CNKSR1: variants seen among roughly 807,000 people sequenced by gnomAD.
The protein encoded by CNKSR1 is CNK homolog protein 1.
CNKSR1 carries 88 observed loss-of-function variants against 95.6 expected under a neutral mutation model. The ratio of observed to expected loss-of-function variants is 0.92; its 90% CI spans 0.78 to 1.10. The LOEUF (loss-of-function observed/expected upper bound fraction) is 1.10, where lower values mean the gene tolerates loss of function less well. CNKSR1 is among the 50% of genes least tolerant of loss of function. CNKSR1 has a pLI of 0.00. For missense variants in CNKSR1, 836 were observed against 912.0 expected, an observed-to-expected ratio of 0.92 and a Z score of 1.07; for synonymous variants, 355 against 369.7, an observed-to-expected ratio of 0.96 and a Z score of 0.46.
Position 26,183,191 on chromosome 1 carries a change from C to G in CNKSR1, c.625-6C>G. ...CCCCCGGTGACTATAGCCTCTGCCT[C>G]TGCAGGGCCTAGAAATTCACACCAC... On this transcript the variant is annotated splice_polypyrimidine_tract_variant and splice_region_variant and intron_variant, in intron 6 of 20. Transcript: ENST00000361530. The G allele has an allele frequency of 6.2e-7, 1 of 1,614,086 alleles. No homozygotes were observed. Among genetic ancestry groups the G allele is most frequent in the South Asian group, 1.1e-5 (1 of 91,082 alleles).
At position 26,180,861 on chromosome 1, in the gene CNKSR1, G is replaced by A; in HGVS notation, c.357G>A (p.Leu119=). 6.2e-7 allele frequency: 1 copy of A among 1,614,246 alleles called. No homozygotes were observed. ...IDVLCAAVEL[L]HEADALLFWL... is the part of the protein sequence containing the mutation. ...TCCTCTGTGCAGCTGTGGAGCTGTTGCATGAAGCTGACGCCCTCCTCTTCT... is the reference window on the plus strand; with the variant it reads ...TCCTCTGTGCAGCTGTGGAGCTGTTACATGAAGCTGACGCCCTCCTCTTCT... The change falls in exon 3 of 21, where the codon TTG becomes TTA. Residue 119 remains leucine (L), a synonymous_variant. Coordinates refer to ENST00000361530, the MANE Select transcript of CNKSR1 (RefSeq NM_006314.3).
intron 14 of CNKSR1, among the ~76,000 whole-genome samples, chr1:26,185,997 TG>T (rs1247823761): frequency 6.6e-6 from 1 of 152,192 alleles, no homozygotes; most frequent in Non-Finnish European, 1.5e-5. Flanking sequence ...GGATGATTTT[TG>T]CTTCTCCAGA....
chr1:26,185,831 G>A (rs560701510), intron 14 of CNKSR1, among the ~76,000 whole-genome samples: 7 of 152,208 alleles, frequency 4.6e-5, no homozygotes, highest in Non-Finnish European at 5.9e-5. Flanking sequence ...ACATCTGGCC[G>A]AAAAATCACG....
rs369700398 is a variant in CNKSR1 at position 26,181,840 on chromosome 1, T to A, written c.393-17T>A. 4 of 1,613,192 alleles carry A rather than the reference T, an allele frequency of 2.5e-6. No individual in the cohort carries two copies. The African/African-American group carries it at 5.3e-5, about 21-fold the overall frequency. On this transcript the variant is annotated splice_polypyrimidine_tract_variant and intron_variant, in intron 3 of 20. Transcript: ENST00000361530. Reference sequence around the variant, plus strand: ...AAGCATAGTCCCTTAACCACTGTGCTATTCTTCCCCTGCCAGGTACCTCTT... The same window carrying A: ...AAGCATAGTCCCTTAACCACTGTGCAATTCTTCCCCTGCCAGGTACCTCTT...
chr1:26,188,595 C>A lies in CNKSR1; in HGVS notation c.1591-3C>A, dbSNP rs377575975. The A allele has an allele frequency of 6.2e-7, 1 of 1,613,518 alleles. No homozygotes were observed. Among genetic ancestry groups the A allele is most frequent in the African/African-American group, 1.3e-5 (1 of 74,926 alleles). On this transcript the variant is annotated splice_region_variant and splice_polypyrimidine_tract_variant and intron_variant, in intron 18 of 20. Coordinates refer to ENST00000361530, the MANE Select transcript of CNKSR1 (RefSeq NM_006314.3). ...CCCTCTGTGCTTTCCACCCTGCCTG[C>A]AGCCCAGCCCTGCTCAAGCTGGGAG...
At chr1:26,180,659 G>T in intron 2 of CNKSR1, 49 bp downstream of exon 2, 4 of 1,614,102 alleles carry the variant, frequency 2.5e-6, no homozygotes, top group Non-Finnish European at 3.4e-6. Flanking sequence ...AACCTGGGGG[G>T]TGTGATGGGG....
chr1:26,184,770 C>T (rs1396089294), intron 13 of CNKSR1, among the ~76,000 whole-genome samples, 158 bp downstream of exon 13: 2 of 151,876 alleles, frequency 1.3e-5, no homozygotes, highest in East Asian at 3.9e-4. Flanking sequence ...CAGTCTGGGC[C>T]TCTCACCAGA....
chr1:26,187,263 G>A, intron 15 of CNKSR1, 22 bp downstream of exon 15: 2 of 1,607,378 alleles, frequency 1.2e-6, no homozygotes, highest in Non-Finnish European at 1.7e-6. Flanking sequence ...GGGTGTGATG[G>A]GCTGGGGGAT....
At position 26,184,624 on chromosome 1, in the gene CNKSR1, G is replaced by C. The variant is rs1003262667; in HGVS notation, c.1135+12G>C. The C allele has an allele frequency of 6.3e-7, 1 of 1,594,574 alleles. No individual in the cohort carries two copies. Among genetic ancestry groups the C allele is most frequent in the South Asian group, 1.1e-5 (1 of 87,860 alleles). ...GAAGAAATCAAAAGGTATGAGGTGC[G>C]CTGGACTAGGTGGGGGTTCCCCTGT... is the stretch of plus-strand genomic sequence containing the variant. On this transcript the variant is annotated intron_variant, in intron 13 of 20. Transcript: ENST00000361530.
Position 26,182,536 on chromosome 1 carries a change from G to C in CNKSR1, c.576G>C (p.Leu192=). The change falls in exon 6 of 21, where the codon CTG becomes CTC. Residue 192 remains leucine (L), a synonymous_variant. Transcript: ENST00000361530. ...TCCTGGTCTGCTGCCCCAAGGAGCTGCTGGAACAGAAGGCCGTGCTCGAGC... is the reference window on the plus strand; with the variant it reads ...TCCTGGTCTGCTGCCCCAAGGAGCTCCTGGAACAGAAGGCCGTGCTCGAGC... ...HNILVCCPKE[L]LEQKAVLEQV... The C allele has an allele frequency of 6.2e-7, 1 of 1,613,968 alleles. No individual in the cohort carries two copies.
At position 26,181,930 on chromosome 1, in the gene CNKSR1, G is replaced by T. The variant is rs1340533441; in HGVS notation, c.466G>T (p.Val156Phe). The T allele has an allele frequency of 6.2e-7, 1 of 1,613,872 alleles. No individual in the cohort carries two copies. The highest frequency in any genetic ancestry group is 8.5e-7 in the Non-Finnish European group (1 of 1,179,904). Residue 156 changes from valine (V) to phenylalanine (F), a missense_variant, in exon 4 of 21, where the codon GTC becomes TTC. Val to Phe is a conservative substitution (Grantham distance 50). Transcript: ENST00000361530. ...AGACTTGTTGGAGGAGCTGAGCCAG[G>T]TCTTGCATGAGGTAGGAGAACCAAG... Reference protein sequence around the residue: ...IRDLLEELSQVLHEDGPAAEK... With the variant: ...IRDLLEELSQFLHEDGPAAEK...
Position 26,183,729 on chromosome 1 carries a change from G to A in CNKSR1, c.754G>A (p.Val252Met). 1 of 1,610,098 alleles carries A rather than the reference G, an allele frequency of 6.2e-7. No homozygotes were observed. Among genetic ancestry groups the A allele is most frequent in the Non-Finnish European group, 8.5e-7 (1 of 1,176,448 alleles). Reference sequence around the variant, plus strand: ...ACCAGCCAGTGTTTCTGTCCCCCAGGTGGGATGGCCCCGTAAGAACATGGT... The same window carrying A: ...ACCAGCCAGTGTTTCTGTCCCCCAGATGGGATGGCCCCGTAAGAACATGGT... ...EVVQINEQVV[V>M]GWPRKNMVRE... Residue 252 changes from valine (V) to methionine (M), a missense_variant and splice_region_variant, in exon 9 of 21, where the codon GTG (valine) becomes ATG (methionine). Coordinates refer to ENST00000361530, the MANE Select transcript of CNKSR1 (RefSeq NM_006314.3).
intron 11 of CNKSR1, 55 bp from the exon 12 acceptor site, chr1:26,184,346 C>T: frequency 6.2e-7 from 1 of 1,605,310 alleles, no homozygotes; most frequent in East Asian, 2.2e-5. Context: ...AGTTCTGACC[C>T]CAAGCCTGGG....
intron 8 of CNKSR1, 56 bp from the exon 9 acceptor site, chr1:26,183,673 G>C (rs2088684915): frequency 7.7e-7 from 1 of 1,298,606 alleles, no homozygotes; most frequent in South Asian, 1.2e-5. Flanking sequence ...GAGAGTTGGT[G>C]GTTGCTTTAG....
intron 3 of CNKSR1, chr1:26,181,136 C>T (rs536572280): frequency 2.1e-6 from 1 of 486,204 alleles, no homozygotes; most frequent in South Asian, 1.9e-5. Context: ...ACAAAATTAG[C>T]CAGGTGTGGT....
chr1:26,181,838 G>C lies in CNKSR1; in HGVS notation c.393-19G>C. On this transcript the variant is annotated intron_variant, in intron 3 of 20. Transcript: ENST00000361530. ...TTAAGCATAGTCCCTTAACCACTGT[G>C]CTATTCTTCCCCTGCCAGGTACCTC... The C allele has an allele frequency of 6.2e-7, 1 of 1,612,372 alleles. No individual in the cohort carries two copies. Among genetic ancestry groups the C allele is most frequent in the Non-Finnish European group, 8.5e-7 (1 of 1,178,478 alleles).
At chr1:26,186,600 G>C (rs949546231) in intron 14 of CNKSR1, among the ~76,000 whole-genome samples, 1 of 152,108 alleles carries the variant, frequency 6.6e-6, no homozygotes, top group Non-Finnish European at 1.5e-5. Flanking sequence ...TCAGCCTCCC[G>C]AGTAGCTGGG....
Position 26,189,690 on chromosome 1 carries a change from C to T in CNKSR1, c.*142C>T. ...TAGTCATGGTCTCACCCCGAGCTGA[C>T]CCCTCTGCCTGGGCTTTGTGCCACC... On this transcript the variant is annotated 3_prime_UTR_variant, in exon 21 of 21. Transcript: ENST00000361530. 1 of 762,954 alleles carries T rather than the reference C, an allele frequency of 1.3e-6. No individual in the cohort carries two copies. The highest frequency in any genetic ancestry group is 2.4e-5 in the East Asian group (1 of 40,838). The allele number at this position is 762,954 out of a possible 1,614,324, so 47.3% of individuals were successfully genotyped here.
Position 26,182,531 on chromosome 1 carries a change from G to T in CNKSR1, c.571G>T (p.Glu191Ter), listed in dbSNP as rs778070259. 2 of 1,613,930 alleles carry T rather than the reference G, an allele frequency of 1.2e-6. No homozygotes were observed. The highest frequency in any genetic ancestry group is 3.3e-5 in the Admixed American group (2 of 60,022). ...CHNILVCCPK[E>*]LLEQKAVLEQ... is the part of the protein sequence containing the mutation. ...CAACATCCTGGTCTGCTGCCCCAAG[G>T]AGCTGCTGGAACAGAAGGCCGTGCT... The change falls in exon 6 of 21, where the codon GAG becomes TAG. Residue 191 changes from glutamate (E) to a stop codon, truncating the protein, a stop_gained. Transcript: ENST00000361530. LOFTEE classifies it high-confidence loss of function.
Sources: allele counts gnomAD v4.1 joint callset (sites outside exome capture counted in the v4.1 genomes callset), GRCh38; gene constraint gnomAD v4.1.1; transcripts MANE v1.5; gene names NCBI Gene and HGNC (gene_info 2026-07-23, HGNC 2026-07-21).